TLCD4: variants seen among roughly 807,000 people sequenced by gnomAD.
TLCD4 encodes the protein TLC domain containing 4, also known as TLC domain-containing protein 4.
Under a neutral mutation model 24.2 loss-of-function variants are expected in TLCD4, and 7 were observed. That is an observed-to-expected ratio of 0.29 (90% CI 0.16 to 0.54). TLCD4 has a LOEUF of 0.54. Among genes scored for constraint, TLCD4 ranks in the 20% least tolerant of loss-of-function variants. The probability of loss-of-function intolerance (pLI) is 0.95; values close to 1 mark genes in which losing one functional copy is unlikely to be tolerated. For synonymous variants in TLCD4, 103 were observed against 106.4 expected (o/e 0.97, Z 0.20); for missense variants, 259 against 313.9 (o/e 0.82, Z 1.32).
chr1:95,190,092 CTT>C (rs1398255275), intron 6 of TLCD4, among the ~76,000 whole-genome samples: 1 of 99,218 alleles, frequency 1.0e-5, no homozygotes, highest in South Asian at 4.5e-4. Context: ...AAAATTTGCA[CTT>C]TCTTTTTTTT....
chr1:95,136,464 A>C (rs1361195611), intron 1 of TLCD4, among the ~76,000 whole-genome samples: 1 of 152,264 alleles, frequency 6.6e-6, no homozygotes, highest in Non-Finnish European at 1.5e-5. Flanking sequence ...TTAATGTATT[A>C]GCTGTCTTTC....
At chr1:95,144,978 A>G (rs928656885) in intron 2 of TLCD4, among the ~76,000 whole-genome samples, 1 of 152,218 alleles carries the variant, frequency 6.6e-6, no homozygotes, top group South Asian at 2.1e-4. Context: ...GGCATGAGCC[A>G]CTGCACCCTG....
intron 5 of TLCD4, among the ~76,000 whole-genome samples, chr1:95,162,841 C>G (rs143457263): frequency 0.014 from 2,063 of 152,338 alleles, 68 homozygotes; most frequent in African/African-American, 0.047. Context: ...CCACTCTGTT[C>G]TGGCTTGTAG....
chr1:95,125,874 G>A (rs1253859910), intron 1 of TLCD4, among the ~76,000 whole-genome samples: 1 of 152,092 alleles, frequency 6.6e-6, no homozygotes, highest in African/African-American at 2.4e-5. Flanking sequence ...CTGGTATTCC[G>A]GCCATAGTGG....
chr1:95,164,643 A>G (rs566280867), intron 5 of TLCD4: 3 of 152,126 alleles, frequency 2.0e-5, no homozygotes, highest in Non-Finnish European at 4.4e-5. Flanking sequence ...CCACCTCTTG[A>G]TACTTTTAAA....
In TLCD4 at chr1:95,151,476, T is replaced by C. The variant is rs1007818674; in HGVS notation, c.399+57T>C. On this transcript the variant is annotated intron_variant, in intron 5 of 6. Coordinates refer to ENST00000370203, the MANE Select transcript of TLCD4 (RefSeq NM_152487.3). ...GCAGACAAGATTGGGAATAGTGATG[T>C]AAAGGTGAACATAAATCTAAACATA... 3.2e-6 allele frequency: 5 copies of C among 1,567,050 alleles called. No individual in the cohort carries two copies. The African/African-American group carries it at 6.9e-5, about 21-fold the overall frequency.
chr1:95,105,943 A>G, the TLCD4 span, among the ~76,000 whole-genome samples: 2 of 151,610 alleles, frequency 1.3e-5, no homozygotes, highest in Admixed American at 6.6e-5. Context: ...GAGTGCAGAA[A>G]GAAGACTACT....
chr1:95,188,117 G>A (rs1024334734), intron 6 of TLCD4, among the ~76,000 whole-genome samples: 20 of 152,198 alleles, frequency 1.3e-4, no homozygotes, highest in Admixed American at 7.2e-4. Context: ...GCCGGGCGCG[G>A]TAGCTCACGC....
At chr1:95,124,850 TA>T (rs112427234) in intron 1 of TLCD4, among the ~76,000 whole-genome samples, 16 of 144,934 alleles carry the variant, frequency 1.1e-4, no homozygotes, top group Admixed American at 3.5e-4. Flanking sequence ...AATATTTTTC[TA>T]AAAAAAAAAC....
At chr1:95,106,671 T>G in the TLCD4 span, among the ~76,000 whole-genome samples, 1 of 152,096 alleles carries the variant, frequency 6.6e-6, no homozygotes, top group Non-Finnish European at 1.5e-5. Flanking sequence ...CCAACCTGAG[T>G]GACAGAGTGT....
intron 1 of TLCD4, among the ~76,000 whole-genome samples, chr1:95,135,328 G>A (rs960689361): frequency 4.2e-4 from 63 of 151,172 alleles, no homozygotes; most frequent in African/African-American, 1.4e-3. Context: ...GGGTGGTTAA[G>A]TTAAACTGCC....
At chr1:95,117,285 C>T (rs1676449028), upstream of TLCD4, 1 of 152,296 alleles carries the variant, frequency 6.6e-6, no homozygotes, top group South Asian at 2.1e-4. Context: ...GCCTCGGGGC[C>T]CCGCCCACTT....
Position 95,141,448 on chromosome 1 carries a change from T to A in TLCD4, c.-11-2443T>A, listed in dbSNP as rs191454614. 1.1e-3 allele frequency among the ~76,000 whole-genome samples: 165 copies of A among 152,254 alleles called. 2 individuals carry two copies. Among genetic ancestry groups the A allele is most frequent in the African/African-American group, 3.9e-3 (164 of 41,564 alleles). On this transcript the variant is annotated intron_variant, in intron 1 of 6. Transcript: ENST00000370203. ...ATCAGCAGAGAGCATACGAAAGTCT[T>A]CAGGGGAAACCTCCTCACATTTAAG...
intron 1 of TLCD4, among the ~76,000 whole-genome samples, chr1:95,134,034 T>C (rs1185215209): frequency 6.6e-6 from 1 of 151,936 alleles, no homozygotes; most frequent in Non-Finnish European, 1.5e-5. Context: ...GATAATGTTG[T>C]AATACTGCAC....
At chr1:95,185,343 G>C (rs2101016239) in intron 6 of TLCD4, among the ~76,000 whole-genome samples, 1 of 152,328 alleles carries the variant, frequency 6.6e-6, no homozygotes, top group Middle Eastern at 3.4e-3. Context: ...TCTCCTCTGA[G>C]TTGAAAGGTA....
chr1:95,108,449 C>A, the TLCD4 span, among the ~76,000 whole-genome samples: 1 of 152,094 alleles, frequency 6.6e-6, no homozygotes, highest in African/African-American at 2.4e-5. Context: ...TCATGGCTCA[C>A]TCTGGTTTTG....
At chr1:95,140,174 A>G (rs183470823) in intron 1 of TLCD4, among the ~76,000 whole-genome samples, 2 of 152,344 alleles carry the variant, frequency 1.3e-5, no homozygotes, top group Admixed American at 1.3e-4. Context: ...GTAAATGCTT[A>G]AGCCAGTAAC....
At chr1:95,188,850 C>T (rs889273475) in intron 6 of TLCD4, among the ~76,000 whole-genome samples, 6 of 152,096 alleles carry the variant, frequency 3.9e-5, no homozygotes, top group African/African-American at 1.4e-4. Flanking sequence ...TAGTTTCTTT[C>T]ATTGGAGAGT....
the TLCD4 span, among the ~76,000 whole-genome samples, chr1:95,104,567 A>G: frequency 6.7e-6 from 1 of 150,366 alleles, no homozygotes; most frequent in African/African-American, 2.4e-5. Context: ...CGGGAGGCTG[A>G]GGCAGACGAG....
Sources: gnomAD v4.1 joint callset for allele counts (sites outside exome capture counted in the v4.1 genomes callset) on GRCh38, gnomAD v4.1.1 for gene constraint, MANE v1.5 for transcripts, NCBI Gene and HGNC (gene_info 2026-07-23, HGNC 2026-07-21) for gene names.